DIP2C: variants seen among roughly 807,000 people sequenced by gnomAD.
DIP2C encodes disco-interacting protein 2 homolog C.
In DIP2C, 33 loss-of-function variants were observed where a neutral mutation model predicts 192.4. The observed-to-expected ratio is 0.17, with a 90% CI of 0.13 to 0.23. The LOEUF is 0.23. DIP2C is among the 10% of genes least tolerant of loss of function. The pLI, the probability that DIP2C is intolerant of heterozygous loss-of-function variation, is 1.00. For missense variants in DIP2C, 1,537 were observed against 2,110.1 expected (o/e 0.73, Z 5.32); for synonymous variants, 979 against 864.1 (o/e 1.13, Z -2.33).
At chr10:621,361 CTG>C (rs1340491122) in intron 1 of DIP2C, among the ~76,000 whole-genome samples, 1 of 151,880 alleles carries the variant, frequency 6.6e-6, no homozygotes, top group Non-Finnish European at 1.5e-5. Context: ...GCTCACGAGT[CTG>C]TGCCAATATG....
chr10:361,937 G>C (rs568657209), intron 22 of DIP2C, among the ~76,000 whole-genome samples: 3 of 151,620 alleles, frequency 2.0e-5, no homozygotes, highest in Non-Finnish European at 4.4e-5. Flanking sequence ...GGGACCGCGA[G>C]AACAACAGTG....
At chr10:476,591 C>T (rs542666920) in intron 2 of DIP2C, among the ~76,000 whole-genome samples, 1 of 152,254 alleles carries the variant, frequency 6.6e-6, no homozygotes, top group South Asian at 2.1e-4. Context: ...CCGGTGTCAC[C>T]CTTGTGCGGT....
intron 1 of DIP2C, among the ~76,000 whole-genome samples, chr10:687,620 T>G (rs889835800): frequency 2.0e-5 from 3 of 152,236 alleles, no homozygotes; most frequent in Non-Finnish European, 4.4e-5. Context: ...AAAAAACCTG[T>G]ACAGACGCAA....
intron 1 of DIP2C, among the ~76,000 whole-genome samples, chr10:510,679 A>G (rs1461561849): frequency 6.6e-6 from 1 of 152,208 alleles, no homozygotes; most frequent in Non-Finnish European, 1.5e-5. Flanking sequence ...CTAGAAGCAA[A>G]AGAAGCTGAC....
At chr10:426,609 TA>T (rs754582822) in intron 4 of DIP2C, among the ~76,000 whole-genome samples, 11 of 152,194 alleles carry the variant, frequency 7.2e-5, no homozygotes, top group Non-Finnish European at 1.2e-4. Flanking sequence ...AAACTTTACA[TA>T]AAGTCACAGT....
At chr10:320,574 GTGA>G (rs1170553749) in intron 31 of DIP2C, among the ~76,000 whole-genome samples, 1 of 151,920 alleles carries the variant, frequency 6.6e-6, no homozygotes. Flanking sequence ...AGAAGTGACT[GTGA>G]TGATGTGAGA....
intron 32 of DIP2C, among the ~76,000 whole-genome samples, chr10:296,686 C>G (rs1240698325): frequency 2.0e-5 from 3 of 152,032 alleles, no homozygotes; most frequent in Non-Finnish European, 4.4e-5. Flanking sequence ...GGCACATATA[C>G]ACCATGGAAC....
intron 1 of DIP2C, among the ~76,000 whole-genome samples, chr10:529,681 C>G (rs1847258390): frequency 6.6e-6 from 1 of 152,350 alleles, no homozygotes. Flanking sequence ...GAGCCAGCCA[C>G]ATGGGCTGGA....
chr10:577,121 A>G (rs1850214343), intron 1 of DIP2C, among the ~76,000 whole-genome samples: 1 of 152,246 alleles, frequency 6.6e-6, no homozygotes, highest in Non-Finnish European at 1.5e-5. Context: ...TAAAGCGCAG[A>G]TATTCCATAA....
At chr10:519,896 C>CCACAGCCA (rs1411703991) in intron 1 of DIP2C, among the ~76,000 whole-genome samples, 7 of 128,008 alleles carry the variant, frequency 5.5e-5, no homozygotes, top group Admixed American at 5.4e-4. Flanking sequence ...GGCTGCACAC[C>CCACAGCCA]CACAGCCACC....
rs766584762 is a variant in DIP2C at position 636,883 on chromosome 10, G to T, written c.85+52611C>A. On this transcript the variant is annotated intron_variant, in intron 1 of 36. Transcript: ENST00000280886. This position sits in a 1 kb window ranked among gnomAD's most constrained non-coding sequence, Gnocchi z 4.6. ...GTCATACACTTCTCAGCAGCTTCCC[G>T]GTGAGGCTGCTGGTTCACGAGGGGC... Among the ~76,000 whole-genome samples the T allele has an allele frequency of 6.6e-6, 1 of 152,190 alleles. No homozygotes were observed. The highest frequency in any genetic ancestry group is 1.5e-5 in the Non-Finnish European group (1 of 68,026).
chr10:487,573 T>TTTTTTG (rs1844110557), intron 1 of DIP2C, among the ~76,000 whole-genome samples: 3 of 107,384 alleles, frequency 2.8e-5, no homozygotes, highest in Admixed American at 9.4e-5. Context: ...GAGTGTTTTT[T>TTTTTTG]TTTTTTTTTT....
intron 24 of DIP2C, among the ~76,000 whole-genome samples, chr10:351,025 C>A (rs1210790284): frequency 6.6e-6 from 1 of 152,094 alleles, no homozygotes; most frequent in Non-Finnish European, 1.5e-5. Flanking sequence ...CCTGGCAAGG[C>A]TGTCGGGACC....
chr10:399,039 C>CA, intron 10 of DIP2C, 70 bp downstream of exon 10: 1 of 1,359,812 alleles, frequency 7.4e-7, no homozygotes, highest in East Asian at 2.3e-5. Context: ...GACCCTCACC[C>CA]AGCCGGGATA....
chr10:540,138 T>C (rs1437777931), intron 1 of DIP2C, among the ~76,000 whole-genome samples: 2 of 152,394 alleles, frequency 1.3e-5, no homozygotes, highest in Non-Finnish European at 2.9e-5. Flanking sequence ...GCATATTTCC[T>C]ATTTATGAGA....
At chr10:286,248 G>C (rs764317282) in intron 34 of DIP2C, 25 bp downstream of exon 34, 2 of 1,612,278 alleles carry the variant, frequency 1.2e-6, no homozygotes, top group South Asian at 2.2e-5. Flanking sequence ...AAAGTAACCT[G>C]GATCTCGGAG....
chr10:674,456 A>G (rs1054361866), intron 1 of DIP2C, among the ~76,000 whole-genome samples: 3 of 152,310 alleles, frequency 2.0e-5, no homozygotes, highest in Admixed American at 2.0e-4. Context: ...ACCCAGATAT[A>G]TAAAGCAAAT....
At chr10:469,043 G>A (rs1200194372) in intron 3 of DIP2C, among the ~76,000 whole-genome samples, 4 of 151,840 alleles carry the variant, frequency 2.6e-5, no homozygotes, top group East Asian at 1.9e-4. Context: ...CACCCTGGGT[G>A]CAGAATTGGA....
intron 1 of DIP2C, among the ~76,000 whole-genome samples, chr10:609,331 CAG>C (rs543529720): frequency 3.5e-4 from 53 of 152,296 alleles, no homozygotes; most frequent in Middle Eastern, 3.4e-3. Context: ...CCCTGGCTGT[CAG>C]AAACTTTTTC....
Sources: allele counts gnomAD v4.1 joint callset (sites outside exome capture counted in the v4.1 genomes callset), GRCh38; gene constraint gnomAD v4.1.1; non-coding constraint Gnocchi (gnomAD v3.1); transcripts MANE v1.5; gene names NCBI Gene and HGNC (gene_info 2026-07-23, HGNC 2026-07-21).